MYO1E: variants seen among roughly 807,000 people sequenced by gnomAD.
MYO1E encodes myosin IE, also known as unconventional myosin-Ie.
A neutral mutation model predicts 151.1 loss-of-function variants in MYO1E; 68 were observed. The observed-to-expected ratio is 0.45, with a 90% CI of 0.37 to 0.55. MYO1E has a LOEUF of 0.55. Ranked by LOEUF, MYO1E falls within the 20% of genes least tolerant of loss-of-function variation. MYO1E has a pLI of 0.00. For synonymous variants in MYO1E, 601 were observed against 501.7 expected, an observed-to-expected ratio of 1.20 and a Z score of -2.64; for missense variants, 1,363 against 1,389.3, an observed-to-expected ratio of 0.98 and a Z score of 0.30.
chr15:59,258,821 C>A (rs1448716512), intron 3 of MYO1E, among the ~76,000 whole-genome samples: 1 of 151,424 alleles, frequency 6.6e-6, no homozygotes, highest in East Asian at 1.9e-4. Context: ...CACAGCACTG[C>A]GCTTCAGCAT....
rs76045188 is a variant in MYO1E at position 59,251,908 on chromosome 15, C to A, written c.332+4376G>T. ...TGACTGCAAATATTGGATATTTGGA[C>A]AAAAACCAGAAAAGAAATTTTAAAA... On this transcript the variant is annotated intron_variant, in intron 4 of 27. Coordinates refer to ENST00000288235, the MANE Select transcript of MYO1E (RefSeq NM_004998.4). Among the ~76,000 whole-genome samples the A allele has an allele frequency of 5.4e-3, 817 of 152,184 alleles. 21 individuals are homozygous for A. In the East Asian group the frequency reaches 0.076, roughly 14 times the overall value.
chr15:59,284,274 G>A (rs2080374196), intron 1 of MYO1E, among the ~76,000 whole-genome samples: 1 of 152,178 alleles, frequency 6.6e-6, no homozygotes, highest in Non-Finnish European at 1.5e-5. Context: ...TAGGAGTCCT[G>A]GGCCCAGAGT....
intron 1 of MYO1E, among the ~76,000 whole-genome samples, chr15:59,293,676 A>G (rs1942335737): frequency 6.6e-6 from 1 of 152,234 alleles, no homozygotes; most frequent in South Asian, 2.1e-4. Flanking sequence ...CATCACAGTG[A>G]ATTCAGAAAA....
At chr15:59,167,246 A>G (rs538633266) in intron 22 of MYO1E, among the ~76,000 whole-genome samples, 9 of 152,216 alleles carry the variant, frequency 5.9e-5, no homozygotes, top group East Asian at 5.8e-4. Flanking sequence ...TGTTTTTCCA[A>G]TTGGAGATAA....
chr15:59,189,546 C>A (rs142426234), intron 17 of MYO1E, among the ~76,000 whole-genome samples: 1 of 150,988 alleles, frequency 6.6e-6, no homozygotes, highest in African/African-American at 2.4e-5. Flanking sequence ...ACTTTGTCAT[C>A]CAGGCTGGAG....
chr15:59,150,543 T>C (rs190546249), intron 26 of MYO1E, among the ~76,000 whole-genome samples: 2 of 152,350 alleles, frequency 1.3e-5, no homozygotes, highest in African/African-American at 4.8e-5. Flanking sequence ...TGGTGCATTC[T>C]GTTGACTGCT....
At chr15:59,351,653 T>A (rs2080823878) in intron 1 of MYO1E, among the ~76,000 whole-genome samples, 1 of 152,148 alleles carries the variant, frequency 6.6e-6, no homozygotes, top group Non-Finnish European at 1.5e-5. Context: ...ACGCTTATAA[T>A]GTTCCCAGTG....
intron 16 of MYO1E, 90 bp downstream of exon 16, chr15:59,202,236 G>T: frequency 4.5e-6 from 5 of 1,114,068 alleles, no homozygotes; most frequent in East Asian, 2.4e-5. Context: ...ACGTCTCACT[G>T]ACCTCATCCT....
intron 1 of MYO1E, among the ~76,000 whole-genome samples, chr15:59,300,296 G>A (rs990286572): frequency 3.3e-5 from 5 of 149,992 alleles, no homozygotes; most frequent in African/African-American, 9.8e-5. Flanking sequence ...CCCAGCACGC[G>A]CACACACACA....
At chr15:59,245,778 A>T (rs567326531) in intron 4 of MYO1E, among the ~76,000 whole-genome samples, 1 of 152,346 alleles carries the variant, frequency 6.6e-6, no homozygotes, top group East Asian at 1.9e-4. Context: ...CCAAGGCCCG[A>T]TGATTCTCCA....
intron 1 of MYO1E, among the ~76,000 whole-genome samples, chr15:59,304,860 A>C (rs1031924938): frequency 6.6e-6 from 1 of 152,236 alleles, no homozygotes; most frequent in Admixed American, 6.5e-5. Flanking sequence ...ACCCTGTCAT[A>C]ATCAAAATTA....
intron 1 of MYO1E, among the ~76,000 whole-genome samples, chr15:59,299,583 G>A (rs558348998): frequency 2.0e-5 from 3 of 152,274 alleles, no homozygotes; most frequent in Non-Finnish European, 2.9e-5. Flanking sequence ...GGGCTTTGTT[G>A]CCATAAGATT....
At chr15:59,316,691 G>T (rs565094885) in intron 1 of MYO1E, among the ~76,000 whole-genome samples, 244 of 152,112 alleles carry the variant, frequency 1.6e-3, no homozygotes, top group Non-Finnish European at 2.7e-3. Flanking sequence ...TGTCATGTAC[G>T]GATTAGACAT....
chr15:59,205,531 A>AT (rs200884608), intron 14 of MYO1E, 46 bp from the exon 15 acceptor site: 428 of 1,509,384 alleles, frequency 2.8e-4, no homozygotes, highest in African/African-American at 4.5e-4. Context: ...ACAAAATGTA[A>AT]TTAATTGAAC....
chr15:59,231,600 G>A, intron 6 of MYO1E, 102 bp downstream of exon 6: 1 of 1,227,034 alleles, frequency 8.1e-7, no homozygotes. Context: ...GCCTCCTGAT[G>A]ATATGTGAAA....
chr15:59,150,951 G>A (rs12912071), intron 26 of MYO1E, among the ~76,000 whole-genome samples: 61,509 of 151,256 alleles, frequency 0.41, 12,869 homozygotes, highest in African/African-American at 0.49. Flanking sequence ...GGTCATGAGA[G>A]CTGGTGGGAT....
chr15:59,343,508 C>A (rs1240281002), intron 1 of MYO1E, among the ~76,000 whole-genome samples: 2 of 152,064 alleles, frequency 1.3e-5, no homozygotes, highest in African/African-American at 4.8e-5. Flanking sequence ...GTTAAATCTG[C>A]TTGGTGTTCT....
chr15:59,253,519 G>A (rs182930902), intron 4 of MYO1E, among the ~76,000 whole-genome samples: 2 of 128,452 alleles, frequency 1.6e-5, no homozygotes, highest in African/African-American at 6.0e-5. Context: ...GTCTCACTCT[G>A]TCGCCAGGCT....
chr15:59,188,300 G>C, intron 17 of MYO1E, 84 bp from the exon 18 acceptor site: 1 of 1,022,766 alleles, frequency 9.8e-7, no homozygotes. Flanking sequence ...CAAGCCCCCA[G>C]TTCCAAGCTG....
Sources: gnomAD v4.1 joint callset for allele counts (sites outside exome capture counted in the v4.1 genomes callset) on GRCh38, gnomAD v4.1.1 for gene constraint, MANE v1.5 for transcripts, NCBI Gene and HGNC (gene_info 2026-07-23, HGNC 2026-07-21) for gene names.